The following HSD17B4 variants were observed in gnomAD, a reference collection of about 807,000 sequenced individuals.
HSD17B4 encodes the protein hydroxysteroid 17-beta dehydrogenase 4.
A neutral mutation model predicts 101.0 loss-of-function variants in HSD17B4; 70 were observed. The ratio of observed to expected loss-of-function variants is 0.69; its 90% CI spans 0.57 to 0.85. HSD17B4 has a LOEUF of 0.85. HSD17B4 is among the 40% of genes least tolerant of loss of function. The probability of loss-of-function intolerance (pLI) is 0.00; values close to 1 mark genes in which losing one functional copy is unlikely to be tolerated. For missense variants in HSD17B4, 984 were observed against 892.4 expected, an observed-to-expected ratio of 1.10 and a Z score of -1.31; for synonymous variants, 347 against 297.1, an observed-to-expected ratio of 1.17 and a Z score of -1.73.
At chr5:119,541,598 T>C (rs1398206986) in intron 23 of HSD17B4, among the ~76,000 whole-genome samples, 2 of 152,182 alleles carry the variant, frequency 1.3e-5, no homozygotes, top group African/African-American at 4.8e-5. Context: ...ATTAATATGG[T>C]CTCAAATTGT....
At chr5:119,457,680 T>C (rs184267666) in intron 2 of HSD17B4, among the ~76,000 whole-genome samples, 287 of 152,352 alleles carry the variant, frequency 1.9e-3, no homozygotes, top group African/African-American at 6.7e-3. Context: ...CTTTTTATGT[T>C]GCTATTTAGT....
intron 6 of HSD17B4, 119 bp downstream of exon 6, chr5:119,475,989 AATG>A: frequency 1.4e-6 from 1 of 737,552 alleles, no homozygotes; most frequent in East Asian, 2.6e-5. Context: ...TGCTAATATA[AATG>A]ATGAGTAAAC....
intron 14 of HSD17B4, among the ~76,000 whole-genome samples, chr5:119,505,912 T>A (rs1052455366): frequency 3.3e-5 from 5 of 152,132 alleles, no homozygotes; most frequent in Admixed American, 1.3e-4. Context: ...AATGGTTATT[T>A]AAAAAAATCT....
chr5:119,533,515 A>G (rs1754292183), intron 22 of HSD17B4, among the ~76,000 whole-genome samples: 1 of 152,078 alleles, frequency 6.6e-6, no homozygotes, highest in Non-Finnish European at 1.5e-5. Flanking sequence ...GAGGAATGAG[A>G]AAGAGTCAAA....
In HSD17B4 at chr5:119,541,918, G is replaced by A. The variant is rs2126934535; in HGVS notation, c.2135G>A (p.Gly712Asp). Residue 712 changes from glycine to aspartate, a missense_variant, in exon 24 of 24, where the codon GGC (glycine) becomes GAC (aspartate). Physicochemically the swap from Gly to Asp is moderately conservative, Grantham distance 94. Transcript: ENST00000510025. The stretch of plus-strand genomic sequence containing the variant: ...CTCTCCTTGCAGGCATTCTTTAGTG[G>A]CAGGCTGAAGGCCAGAGGGAACATC... ...KLDPQKAFFS[G>D]RLKARGNIML... 1.9e-6 allele frequency: 3 copies of A among 1,610,378 alleles called. No individual in the cohort carries two copies. Among genetic ancestry groups the A allele is most frequent in the Non-Finnish European group, 2.5e-6 (3 of 1,177,040 alleles).
intron 7 of HSD17B4, among the ~76,000 whole-genome samples, chr5:119,478,625 C>T (rs935520686): frequency 6.6e-6 from 1 of 152,228 alleles, no homozygotes; most frequent in East Asian, 1.9e-4. Flanking sequence ...GCCAGAGAAT[C>T]TTTTTAAAAC....
intron 2 of HSD17B4, among the ~76,000 whole-genome samples, chr5:119,461,241 A>G (rs2126632750): frequency 6.6e-6 from 1 of 152,346 alleles, no homozygotes; most frequent in Non-Finnish European, 1.5e-5. Flanking sequence ...TCTTTTATAA[A>G]TAAAGGACAT....
At position 119,517,262 on chromosome 5, in the gene HSD17B4, G is replaced by A. The variant is rs1752707237; in HGVS notation, c.1503+2216G>A. ...CTTAGCACCCAGGCCAGCGGCTGCG[G>A]AGGGTGTACTGGGTCCCGCAGCAGT... On this transcript the variant is annotated intron_variant, in intron 17 of 23. Transcript: ENST00000510025. Among the ~76,000 whole-genome samples the A allele has an allele frequency of 2.0e-5, 3 of 152,232 alleles. 1 individual carries two copies. In the South Asian group the frequency reaches 6.2e-4, roughly 31 times the overall value.
intron 2 of HSD17B4, among the ~76,000 whole-genome samples, chr5:119,469,030 C>G (rs1481900056): frequency 1.3e-5 from 2 of 151,208 alleles, no homozygotes; most frequent in Non-Finnish European, 2.9e-5. Context: ...TGTGAACACT[C>G]AGTCATCACA....
intron 8 of HSD17B4, among the ~76,000 whole-genome samples, chr5:119,485,169 G>C (rs540020308): frequency 6.7e-4 from 102 of 152,202 alleles, no homozygotes; most frequent in Non-Finnish European, 1.3e-3. Context: ...AATTTGTGCT[G>C]ATCATCCCTT....
intron 2 of HSD17B4, among the ~76,000 whole-genome samples, chr5:119,462,743 A>G (rs1207135529): frequency 1.3e-5 from 2 of 152,192 alleles, no homozygotes; most frequent in Non-Finnish European, 2.9e-5. Flanking sequence ...TGACACATAC[A>G]TATTTATGGG....
At chr5:119,500,004 G>A (rs897069938) in intron 13 of HSD17B4, among the ~76,000 whole-genome samples, 1 of 152,144 alleles carries the variant, frequency 6.6e-6, no homozygotes, top group African/African-American at 2.4e-5. Context: ...TGTAGAGTGA[G>A]CAAGGGGGCA....
chr5:119,471,217 C>T (rs1169257697), intron 2 of HSD17B4, among the ~76,000 whole-genome samples: 1 of 152,008 alleles, frequency 6.6e-6, no homozygotes, highest in African/African-American at 2.4e-5. Context: ...TTGAAATGAA[C>T]AATTAATAAG....
At chr5:119,531,232 G>T in intron 21 of HSD17B4, 34 bp from the exon 22 acceptor site, 1 of 1,609,752 alleles carries the variant, frequency 6.2e-7, no homozygotes, top group Non-Finnish European at 8.5e-7. Context: ...TATTTTTACA[G>T]AACTTTTAAA....
chr5:119,532,181 A>G (rs1051882674), intron 22 of HSD17B4, among the ~76,000 whole-genome samples: 10 of 152,154 alleles, frequency 6.6e-5, no homozygotes, highest in African/African-American at 2.4e-4. Context: ...AGATTCTTCA[A>G]TTAGGTTGAA....
intron 17 of HSD17B4, among the ~76,000 whole-genome samples, chr5:119,515,387 A>G (rs1190095707): frequency 6.6e-6 from 1 of 152,162 alleles, no homozygotes; most frequent in African/African-American, 2.4e-5. Flanking sequence ...TAAGTGCAGG[A>G]TAAAAATTAG....
intron 1 of HSD17B4, among the ~76,000 whole-genome samples, chr5:119,453,576 C>T (rs982716593): frequency 6.6e-6 from 1 of 152,166 alleles, no homozygotes; most frequent in African/African-American, 2.4e-5. Flanking sequence ...TACCTTATAC[C>T]TGGAAAGGCC....
intron 8 of HSD17B4, among the ~76,000 whole-genome samples, 166 bp from the exon 9 acceptor site, chr5:119,489,026 T>G (rs1376367648): frequency 6.6e-6 from 1 of 152,158 alleles, no homozygotes; most frequent in Non-Finnish European, 1.5e-5. Context: ...AATGGCTCAG[T>G]TGAGATTACA....
intron 15 of HSD17B4, among the ~76,000 whole-genome samples, chr5:119,508,763 G>A (rs191732578): frequency 2.2e-4 from 33 of 152,270 alleles, no homozygotes; most frequent in African/African-American, 7.0e-4. Flanking sequence ...TGCTCTTCTT[G>A]ACTGCTTTGG....
Sources: gnomAD v4.1 joint callset for allele counts (sites outside exome capture counted in the v4.1 genomes callset) on GRCh38, gnomAD v4.1.1 for gene constraint, MANE v1.5 for transcripts, NCBI Gene and HGNC (gene_info 2026-07-23, HGNC 2026-07-21) for gene names.